Variants in CHKA observed in about 807,000 individuals in gnomAD.
CHKA encodes the protein CHETK-alpha.
In CHKA, 34 loss-of-function variants were observed where a neutral mutation model predicts 60.1. That is an observed-to-expected ratio of 0.57 (90% CI 0.43 to 0.75). The LOEUF (loss-of-function observed/expected upper bound fraction) is 0.75, where lower values mean the gene tolerates loss of function less well. CHKA is among the 30% of genes least tolerant of loss of function. The pLI is 0.00. For missense variants in CHKA, 563 were observed against 561.3 expected (o/e 1.00, Z -0.03); for synonymous variants, 217 against 223.1 (o/e 0.97, Z 0.24).
intron 9 of CHKA, 139 bp from the exon 10 acceptor site, chr11:68,064,770 G>A (rs1323741346): frequency 1.7e-6 from 1 of 599,044 alleles, no homozygotes; most frequent in Non-Finnish European, 2.9e-6. Flanking sequence ...CGACATCCTG[G>A]GGCTGGCACC....
chr11:68,082,349 T>A (rs1366691177), intron 2 of CHKA: 1 of 152,618 alleles, frequency 6.6e-6, no homozygotes, highest in Non-Finnish European at 1.5e-5. Flanking sequence ...CAAACTTTTA[T>A]ACTCAAATAC....
intron 1 of CHKA, among the ~76,000 whole-genome samples, chr11:68,106,033 C>G (rs573524715): frequency 1.3e-5 from 2 of 151,902 alleles, no homozygotes; most frequent in African/African-American, 4.8e-5. Flanking sequence ...GAGAATACAG[C>G]GTAATATCAA....
chr11:68,113,124 G>A (rs796300680), intron 1 of CHKA, among the ~76,000 whole-genome samples: 2,075 of 112,800 alleles, frequency 0.018, 25 homozygotes, highest in Middle Eastern at 0.035. Flanking sequence ...GCTGTGGCAG[G>A]AAAAAAAAAA....
intron 1 of CHKA, among the ~76,000 whole-genome samples, chr11:68,120,500 C>A (rs1383884780): frequency 6.6e-6 from 1 of 152,228 alleles, no homozygotes; most frequent in East Asian, 1.9e-4. Context: ...ACTTTCTAGA[C>A]CTATCTTAAG....
At chr11:68,113,204 G>A (rs545285630) in intron 1 of CHKA, among the ~76,000 whole-genome samples, 17 of 150,902 alleles carry the variant, frequency 1.1e-4, no homozygotes, top group Non-Finnish European at 1.6e-4. Flanking sequence ...AGATACTTGG[G>A]AGACTGAGGC....
chr11:68,074,619 G>T, intron 4 of CHKA, 98 bp downstream of exon 4: 1 of 1,030,334 alleles, frequency 9.7e-7, no homozygotes, highest in Non-Finnish European at 1.5e-6. Context: ...GAGGTTAACA[G>T]TGAAAACACA....
intron 11 of CHKA, among the ~76,000 whole-genome samples, chr11:68,061,095 G>GTTTTTTTTTTTTTTTTTTTTTTT (rs757176198): frequency 1.4e-5 from 1 of 70,840 alleles, no homozygotes; most frequent in African/African-American, 6.7e-5. Context: ...GTCAGTGACA[G>GTTTTTTTTTTTTTTTTTTTTTTT]TTTTTTTTTT....
chr11:68,067,365 G>A (rs1856478927), intron 7 of CHKA, among the ~76,000 whole-genome samples: 1 of 152,174 alleles, frequency 6.6e-6, no homozygotes, highest in African/African-American at 2.4e-5. Flanking sequence ...CACTTTGGGA[G>A]GTGGAGGTGG....
chr11:68,078,317 C>T (rs1304854496), intron 3 of CHKA, among the ~76,000 whole-genome samples: 4 of 152,208 alleles, frequency 2.6e-5, no homozygotes, highest in Admixed American at 1.3e-4. Flanking sequence ...GGTTTAAGTT[C>T]AGGCAGCAAA....
At chr11:68,117,073 T>C (rs1858415302) in intron 1 of CHKA, among the ~76,000 whole-genome samples, 1 of 152,082 alleles carries the variant, frequency 6.6e-6, no homozygotes, top group Admixed American at 6.6e-5. Context: ...GAGAATGGAA[T>C]GAATAAACAC....
At chr11:68,081,755 T>A (rs1856997111) in intron 2 of CHKA, 1 of 262,332 alleles carries the variant, frequency 3.8e-6, no homozygotes, top group Admixed American at 4.8e-5. Flanking sequence ...TAGAGGAAAG[T>A]CAATAGAGTG....
At chr11:68,114,146 C>T (rs1858291939) in intron 1 of CHKA, among the ~76,000 whole-genome samples, 2 of 152,194 alleles carry the variant, frequency 1.3e-5, no homozygotes, top group Non-Finnish European at 2.9e-5. Context: ...GTTACAGCTA[C>T]TCTGGAAGAC....
chr11:68,069,539 C>T (rs1856548158), intron 6 of CHKA, among the ~76,000 whole-genome samples: 1 of 152,104 alleles, frequency 6.6e-6, no homozygotes, highest in Admixed American at 6.6e-5. Flanking sequence ...CAAAAATTAG[C>T]TGGGTGTGGG....
chr11:68,058,901 C>CT (rs996515178), intron 11 of CHKA, among the ~76,000 whole-genome samples: 37 of 150,806 alleles, frequency 2.5e-4, no homozygotes, highest in Admixed American at 1.3e-3. Context: ...GTGGGTTTTC[C>CT]TTTTTTTTTA....
intron 10 of CHKA, among the ~76,000 whole-genome samples, chr11:68,062,761 T>C (rs1462842956): frequency 6.6e-6 from 1 of 152,216 alleles, no homozygotes; most frequent in East Asian, 1.9e-4. Flanking sequence ...GTCTGGGTTC[T>C]CCTCCATCTG....
chr11:68,096,132 G>A (rs989631360), intron 2 of CHKA, among the ~76,000 whole-genome samples: 6 of 151,930 alleles, frequency 3.9e-5, no homozygotes, highest in African/African-American at 1.5e-4. Flanking sequence ...GGGGGACCAC[G>A]GCGGGTGGAT....
At position 68,053,353 on chromosome 11, in the gene CHKA, G is replaced by GC. The variant is rs1855871681; in HGVS notation, c.*634dup. On this transcript the variant is annotated 3_prime_UTR_variant, in exon 12 of 12. Coordinates refer to ENST00000265689, the MANE Select transcript of CHKA (RefSeq NM_001277.3). ...AGTGAAACTCATCAGTGTCACACAC[G>GC]CCCAGCAGGAGGGGAGAGCTCTGCT... is the stretch of plus-strand genomic sequence containing the variant. 6.6e-6 allele frequency: 1 copy of GC among 152,602 alleles called. No homozygotes were observed. The highest frequency in any genetic ancestry group is 2.1e-4 in the South Asian group (1 of 4,846). 9.5% of individuals were successfully genotyped at this position (152,602 alleles called of 1,614,324 possible).
intron 1 of CHKA, among the ~76,000 whole-genome samples, chr11:68,114,156 C>G (rs567105974): frequency 6.6e-6 from 1 of 152,322 alleles, no homozygotes; most frequent in Admixed American, 6.5e-5. Context: ...CTCTGGAAGA[C>G]AGTTTGGCAG....
intron 3 of CHKA, among the ~76,000 whole-genome samples, chr11:68,077,885 T>C (rs1398789506): frequency 6.6e-6 from 1 of 152,028 alleles, no homozygotes; most frequent in Non-Finnish European, 1.5e-5. Flanking sequence ...AAGGAACAAG[T>C]GTGACGCCTT....
Sources: allele counts gnomAD v4.1 joint callset (sites outside exome capture counted in the v4.1 genomes callset), GRCh38; gene constraint gnomAD v4.1.1; transcripts MANE v1.5; gene names NCBI Gene and HGNC (gene_info 2026-07-23, HGNC 2026-07-21).